The following LRRTM4 variants were observed in gnomAD, a reference collection of about 807,000 sequenced individuals.
LRRTM4 encodes the protein leucine-rich repeat transmembrane neuronal protein 4.
A neutral mutation model predicts 47.6 loss-of-function variants in LRRTM4; 25 were observed. The observed-to-expected ratio is 0.53, with a 90% confidence interval of 0.38 to 0.73. The LOEUF is 0.73. LRRTM4 is among the 30% of genes least tolerant of loss of function. The probability of loss-of-function intolerance (pLI) is 0.00; values close to 1 mark genes in which losing one functional copy is unlikely to be tolerated. For missense variants in LRRTM4, 638 were observed against 713.4 expected (o/e 0.89, Z 1.20); for synonymous variants, 311 against 269.5 (o/e 1.15, Z -1.51).
intron 3 of LRRTM4, among the ~76,000 whole-genome samples, chr2:76,906,533 T>C (rs866228595): frequency 6.6e-6 from 1 of 152,048 alleles, no homozygotes; most frequent in Non-Finnish European, 1.5e-5. Flanking sequence ...AATGCTCCAA[T>C]CAAAAGACAC....
intron 3 of LRRTM4, among the ~76,000 whole-genome samples, chr2:77,424,215 C>A (rs1029624923): frequency 6.6e-6 from 1 of 152,076 alleles, no homozygotes; most frequent in Non-Finnish European, 1.5e-5. Context: ...TTCTCCTGGG[C>A]ATATAGCAAG....
chr2:77,457,046 A>ATATG (rs1553446862), intron 3 of LRRTM4, among the ~76,000 whole-genome samples: 3 of 15,770 alleles, frequency 1.9e-4, no homozygotes, highest in East Asian at 1.3e-3. Context: ...ATATATATAT[A>ATATG]TATATGTATA....
At chr2:76,950,734 A>T (rs796150349) in intron 3 of LRRTM4, among the ~76,000 whole-genome samples, 2 of 152,020 alleles carry the variant, frequency 1.3e-5, no homozygotes, top group African/African-American at 4.8e-5. Flanking sequence ...GAAATAGTGA[A>T]ATCTGATCTA....
chr2:77,102,810 AC>A (rs1670992300), intron 3 of LRRTM4, among the ~76,000 whole-genome samples: 1 of 152,198 alleles, frequency 6.6e-6, no homozygotes, highest in Admixed American at 6.5e-5. Context: ...GACTGGTGAG[AC>A]AAACCAGTTT....
chr2:77,319,649 T>A (rs1391154660), intron 3 of LRRTM4, among the ~76,000 whole-genome samples: 1 of 152,188 alleles, frequency 6.6e-6, no homozygotes, highest in Admixed American at 6.5e-5. Context: ...ATCTCAGATT[T>A]TCTGGCGTAC....
intron 3 of LRRTM4, among the ~76,000 whole-genome samples, chr2:77,398,982 A>C (rs1284995875): frequency 6.6e-6 from 1 of 151,740 alleles, no homozygotes; most frequent in African/African-American, 2.4e-5. Flanking sequence ...AAAATGCTAT[A>C]TAAACTGCAT....
At chr2:77,214,370 T>C (rs1674379338) in intron 3 of LRRTM4, among the ~76,000 whole-genome samples, 1 of 152,162 alleles carries the variant, frequency 6.6e-6, no homozygotes, top group Admixed American at 6.6e-5. Flanking sequence ...GCAGTATTGC[T>C]AGAGTTATTA....
chr2:77,017,828 G>A (rs901784049), intron 3 of LRRTM4, among the ~76,000 whole-genome samples: 1 of 152,040 alleles, frequency 6.6e-6, no homozygotes, highest in South Asian at 2.1e-4. Flanking sequence ...TCTAGACAAT[G>A]AGAACCCAAT....
chr2:77,324,956 A>T (rs923557098), intron 3 of LRRTM4, among the ~76,000 whole-genome samples: 3 of 152,200 alleles, frequency 2.0e-5, no homozygotes, highest in Non-Finnish European at 4.4e-5. Context: ...AAGAATTTGA[A>T]TTAATGAAAT....
intron 3 of LRRTM4, among the ~76,000 whole-genome samples, chr2:76,800,075 C>T (rs1302849421): frequency 6.6e-6 from 1 of 151,794 alleles, no homozygotes; most frequent in Non-Finnish European, 1.5e-5. Context: ...CTACCAATGC[C>T]TTTCTTCACA....
intron 3 of LRRTM4, among the ~76,000 whole-genome samples, chr2:76,815,759 A>C (rs2103839593): frequency 6.6e-6 from 1 of 152,234 alleles, no homozygotes; most frequent in African/African-American, 2.4e-5. Flanking sequence ...AACATAAAGT[A>C]AATATGTGTC....
intron 3 of LRRTM4, among the ~76,000 whole-genome samples, chr2:77,226,691 G>T (rs1426300935): frequency 6.6e-6 from 1 of 151,908 alleles, no homozygotes; most frequent in Non-Finnish European, 1.5e-5. Flanking sequence ...TGAAACGTTT[G>T]TTTTCAGGTG....
chr2:77,091,855 C>T (rs183074097), intron 3 of LRRTM4, among the ~76,000 whole-genome samples: 13,557 of 140,556 alleles, frequency 0.096, 782 homozygotes, highest in East Asian at 0.14. Context: ...CAATCGTGTC[C>T]AACTGATCTC....
At chr2:77,221,177 G>T (rs1213750861) in intron 3 of LRRTM4, among the ~76,000 whole-genome samples, 1 of 152,130 alleles carries the variant, frequency 6.6e-6, no homozygotes, top group Non-Finnish European at 1.5e-5. Context: ...TCACCACCAG[G>T]CCTGCCCTAA....
At chr2:77,241,584 C>T (rs559259107) in intron 3 of LRRTM4, among the ~76,000 whole-genome samples, 2 of 151,766 alleles carry the variant, frequency 1.3e-5, no homozygotes, top group East Asian at 3.9e-4. Flanking sequence ...AAGAAAATAA[C>T]CTATTGAATA....
intron 3 of LRRTM4, among the ~76,000 whole-genome samples, chr2:77,068,837 C>A (rs982810006): frequency 6.6e-6 from 1 of 152,180 alleles, no homozygotes; most frequent in South Asian, 2.1e-4. Flanking sequence ...ATAAGGCCTA[C>A]GCTGGAAGGT....
chr2:77,080,385 A>G (rs1680491693), intron 3 of LRRTM4, among the ~76,000 whole-genome samples: 1 of 152,136 alleles, frequency 6.6e-6, no homozygotes, highest in South Asian at 2.1e-4. Flanking sequence ...CACATCCCAT[A>G]TCCGACTGAA....
chr2:77,053,464 A>G (rs1679505926), intron 3 of LRRTM4, among the ~76,000 whole-genome samples: 1 of 152,178 alleles, frequency 6.6e-6, no homozygotes, highest in Non-Finnish European at 1.5e-5. Context: ...AATGGATAAT[A>G]GAAAGACAAT....
At chr2:77,368,708 C>T (rs1672546405) in intron 3 of LRRTM4, among the ~76,000 whole-genome samples, 1 of 151,706 alleles carries the variant, frequency 6.6e-6, no homozygotes, top group Non-Finnish European at 1.5e-5. Context: ...TGGTTAGTTA[C>T]AGTCTTACTC....
Sources: gnomAD v4.1 joint callset for allele counts (sites outside exome capture counted in the v4.1 genomes callset) on GRCh38, gnomAD v4.1.1 for gene constraint, MANE v1.5 for transcripts, NCBI Gene and HGNC (gene_info 2026-07-23, HGNC 2026-07-21) for gene names.